PCDHA1: variants seen among roughly 807,000 people sequenced by gnomAD.
The protein encoded by PCDHA1 is protocadherin alpha 1, also known as protocadherin alpha-1.
Under a neutral mutation model 61.3 loss-of-function variants are expected in PCDHA1, and 42 were observed. The observed-to-expected ratio is 0.69, with a 90% CI of 0.54 to 0.89. The LOEUF is 0.89. Ranked by LOEUF, PCDHA1 falls within the 40% of genes least tolerant of loss-of-function variation. The pLI is 0.00. For synonymous variants in PCDHA1, 610 were observed against 553.8 expected (o/e 1.10, Z -1.43); for missense variants, 1,256 against 1,235.3 (o/e 1.02, Z -0.25).
intron 1 of PCDHA1, chr5:140,867,827 C>A (rs1219513690): frequency 2.0e-5 from 3 of 152,066 alleles, no homozygotes; most frequent in Non-Finnish European, 4.4e-5. Context: ...TCCACAAGCA[C>A]TAAGGTAATT....
In PCDHA1 at chr5:140,927,984, A is replaced by G. The variant is rs112872627; in HGVS notation, c.2395-50965A>G. 5.7e-5 allele frequency: 92 copies of G among 1,614,218 alleles called. 4 individuals are homozygous for G. In the African/African-American group the frequency reaches 7.1e-4, roughly 12 times the overall value. Reference sequence around the variant, plus strand: ...GCACAGTGATTGCTCTCTTTAGTGTAAAGGATGAAGACCTCGATTCTAATG... The same window carrying G: ...GCACAGTGATTGCTCTCTTTAGTGTGAAGGATGAAGACCTCGATTCTAATG... On this transcript the variant is annotated intron_variant, in intron 1 of 3. Coordinates refer to ENST00000504120, the MANE Select transcript of PCDHA1 (RefSeq NM_018900.4).
At chr5:140,838,766 T>C (rs2150292312) in intron 1 of PCDHA1, among the ~76,000 whole-genome samples, 4 of 151,986 alleles carry the variant, frequency 2.6e-5, no homozygotes, top group Non-Finnish European at 4.4e-5. Context: ...GTAGAGACTT[T>C]GTAAAATTAG....
chr5:140,959,424 G>A (rs957625236), intron 1 of PCDHA1, among the ~76,000 whole-genome samples: 1 of 152,104 alleles, frequency 6.6e-6, no homozygotes, highest in Non-Finnish European at 1.5e-5. Context: ...CTGAGAATTT[G>A]TGTATTTTTT....
rs782766953 is a variant in PCDHA1 at position 140,875,544 on chromosome 5, G to C, written c.2394+86860G>C. On this transcript the variant is annotated intron_variant, in intron 1 of 3. Coordinates refer to ENST00000504120, the MANE Select transcript of PCDHA1 (RefSeq NM_018900.4). ...TCTCGCTTCTGCTCCTTGCAGCCTG[G>C]GAGGTGGGGAGCGGCCAGCTCCACT... 9.0e-5 allele frequency: 146 copies of C among 1,614,052 alleles called. No homozygotes were observed. The East Asian group carries it at 3.2e-3, about 36-fold the overall frequency.
At chr5:140,841,733 CA>C in intron 1 of PCDHA1, 1 of 1,613,850 alleles carries the variant, frequency 6.2e-7, no homozygotes, top group Non-Finnish European at 8.5e-7. Flanking sequence ...GGTAAAAGAC[CA>C]AAAGCTGTTT....
rs146613275 is a variant in PCDHA1, at chr5:140,871,400, C to G, written c.2394+82716C>G. ...TGCTCTGAGGAGGGCCCACCTAAGA[C>G]GGACCTCATGGCCTTCAGCCCCAGT... On this transcript the variant is annotated intron_variant, in intron 1 of 3. Transcript: ENST00000504120. The G allele has an allele frequency of 1.8e-4, 284 of 1,614,130 alleles. 1 individual carries two copies. The African/African-American group carries it at 2.8e-3, about 16-fold the overall frequency.
chr5:140,848,397 A>C, intron 1 of PCDHA1: 2 of 1,283,802 alleles, frequency 1.6e-6, no homozygotes, highest in Non-Finnish European at 2.2e-6. Flanking sequence ...CTCTGTGCTG[A>C]ACGATGGCGA....
intron 1 of PCDHA1, among the ~76,000 whole-genome samples, chr5:140,973,856 C>G (rs1349378315): frequency 6.6e-6 from 1 of 152,166 alleles, no homozygotes; most frequent in Non-Finnish European, 1.5e-5. Context: ...CCAATTTTTG[C>G]TCTCAATGAG....
chr5:140,957,145 T>A (rs1554222837), intron 1 of PCDHA1, among the ~76,000 whole-genome samples: 1 of 152,156 alleles, frequency 6.6e-6, no homozygotes, highest in Non-Finnish European at 1.5e-5. Context: ...GAACTAAAAA[T>A]TTTGGAGACA....
chr5:140,962,764 T>C (rs946789298), intron 1 of PCDHA1, among the ~76,000 whole-genome samples: 7 of 152,226 alleles, frequency 4.6e-5, no homozygotes, highest in African/African-American at 1.7e-4. Flanking sequence ...TATTCGTTTT[T>C]AACAAGATGG....
chr5:140,788,486 T>A lies in PCDHA1; in HGVS notation c.2196T>A (p.Tyr732Ter). 1 of 1,614,100 alleles carries A rather than the reference T, an allele frequency of 6.2e-7. No homozygotes were observed. The highest frequency in any genetic ancestry group is 1.7e-5 in the Admixed American group (1 of 60,024). Residue 732 changes from tyrosine (Y) to a stop codon, truncating the protein, a stop_gained, in exon 1 of 4, where the codon TAT becomes TAA. Transcript: ENST00000504120. LOFTEE classifies it high-confidence loss of function. ...CAGTGCCGCCCACTGAGGGTGCGTA[T>A]GTGCCGGGCAAGCCCACTCTGGTGT... ...RCSVPPTEGA[Y>*]VPGKPTLVCS...
At chr5:140,836,587 TA>T (rs2150264756) in intron 1 of PCDHA1, 1 of 1,613,616 alleles carries the variant, frequency 6.2e-7, no homozygotes, top group African/African-American at 1.3e-5. Context: ...TGTAGTTTGG[TA>T]AAGCCCACTC....
chr5:140,980,504 C>G (rs1440940887), intron 2 of PCDHA1, among the ~76,000 whole-genome samples: 4 of 152,122 alleles, frequency 2.6e-5, no homozygotes, highest in Non-Finnish European at 5.9e-5. Flanking sequence ...ATGGCATGTG[C>G]CTGTAGTTCC....
At chr5:140,807,230 C>G in intron 1 of PCDHA1, 1 of 1,614,194 alleles carries the variant, frequency 6.2e-7, no homozygotes, top group Non-Finnish European at 8.5e-7. Context: ...CCGGCGTCTG[C>G]TGCTCTTACT....
At chr5:140,881,944 A>C in intron 1 of PCDHA1, 1 of 302,118 alleles carries the variant, frequency 3.3e-6, no homozygotes, top group East Asian at 5.9e-5. Flanking sequence ...GTTTCTGGGA[A>C]GGTAAACATT....
intron 1 of PCDHA1, chr5:140,822,819 G>C: frequency 6.2e-7 from 1 of 1,614,174 alleles, no homozygotes; most frequent in South Asian, 1.1e-5. Context: ...ATACCCCAGA[G>C]ATGGCCATAA....
intron 1 of PCDHA1, chr5:140,822,901 C>T (rs1554128945): frequency 6.2e-7 from 1 of 1,614,234 alleles, no homozygotes; most frequent in Non-Finnish European, 8.5e-7. Flanking sequence ...CGTGTCTGAC[C>T]GTGACTCAGG....
In PCDHA1 at chr5:140,829,518, C is replaced by A. The variant is rs2150169254; in HGVS notation, c.2394+40834C>A. On this transcript the variant is annotated intron_variant, in intron 1 of 3. Coordinates refer to ENST00000504120, the MANE Select transcript of PCDHA1 (RefSeq NM_018900.4). ...AACCCGCCGGGCTGCCACATCTTCA[C>A]GGTGTCTGCGCGAGACGCGGACGCG... 5.0e-6 allele frequency: 8 copies of A among 1,613,400 alleles called. No individual in the cohort carries two copies. The Admixed American group carries it at 1.0e-4, about 20-fold the overall frequency.
At position 140,787,363 on chromosome 5, in the gene PCDHA1, C is replaced by T. The variant is rs1761365567; in HGVS notation, c.1073C>T (p.Pro358Leu). The T allele has an allele frequency of 6.2e-7, 1 of 1,614,224 alleles. No individual in the cohort carries two copies. The highest frequency in any genetic ancestry group is 8.5e-7 in the Non-Finnish European group (1 of 1,180,044). Reference sequence around the variant, plus strand: ...CTGGCGGTCACTTCATTGTATTTGCCTATCAGAGAGGACGCTCCACTCAGC... The same window carrying T: ...CTGGCGGTCACTTCATTGTATTTGCTTATCAGAGAGGACGCTCCACTCAGC... ...PELAVTSLYLPIREDAPLSTV... is the reference protein window; with the variant it reads ...PELAVTSLYLLIREDAPLSTV... Residue 358 changes from proline (P) to leucine (L), a missense_variant, in exon 1 of 4, where the codon CCT (proline) becomes CTT (leucine). Transcript: ENST00000504120.
Sources: allele counts gnomAD v4.1 joint callset (sites outside exome capture counted in the v4.1 genomes callset), GRCh38; gene constraint gnomAD v4.1.1; transcripts MANE v1.5; gene names NCBI Gene and HGNC (gene_info 2026-07-23, HGNC 2026-07-21).